Variants in ZNF517 observed in about 807,000 individuals in gnomAD.
The protein encoded by ZNF517 is zinc finger protein 517.
ZNF517 carries 12 observed loss-of-function variants against 12.1 expected under a neutral mutation model. The ratio of observed to expected loss-of-function variants is 0.99; its 90% CI spans 0.63 to 1.61. The LOEUF is 1.61. Ranked by LOEUF, ZNF517 falls within the 40% of genes most tolerant of loss-of-function variation. The pLI, the probability that ZNF517 is intolerant of heterozygous loss-of-function variation, is 0.00. For synonymous variants in ZNF517, 388 were observed against 310.2 expected (o/e 1.25, Z -2.63); for missense variants, 781 against 693.2 (o/e 1.13, Z -1.42).
chr8:144,800,251 A>C (rs1396172226), intron 1 of ZNF517, among the ~76,000 whole-genome samples: 2 of 152,040 alleles, frequency 1.3e-5, no homozygotes, highest in Non-Finnish European at 2.9e-5. Context: ...CAACAGCTTG[A>C]TCTGTTGTCA....
At position 144,807,780 on chromosome 8, in the gene ZNF517, C is replaced by T. The variant is rs766555187; in HGVS notation, c.864C>T (p.Pro288=). 5.6e-6 allele frequency: 9 copies of T among 1,612,194 alleles called. No homozygotes were observed. The highest frequency in any genetic ancestry group is 3.3e-5 in the South Asian group (3 of 91,058). ...AGAAGTTCCACACCGGGGAGAAGCCCTTCGCGTGCACAGAGTGCGGCAAGG... is the reference window on the plus strand; with the variant it reads ...AGAAGTTCCACACCGGGGAGAAGCCTTTCGCGTGCACAGAGTGCGGCAAGG... ...QHQKFHTGEK[P]FACTECGKAF... is the part of the protein sequence containing the mutation. Residue 288 remains proline, a synonymous_variant, in exon 5 of 5, where the codon CCC becomes CCT. Coordinates refer to ENST00000359971, the MANE Select transcript of ZNF517 (RefSeq NM_213605.3).
chr8:144,802,254 G>T (rs891595448), intron 1 of ZNF517, among the ~76,000 whole-genome samples: 2 of 152,170 alleles, frequency 1.3e-5, no homozygotes, highest in Non-Finnish European at 2.9e-5. Context: ...GCCCAGGCCG[G>T]AGTGCAATGG....
chr8:144,805,030 A>G (rs1461951174), intron 4 of ZNF517, among the ~76,000 whole-genome samples: 1 of 152,228 alleles, frequency 6.6e-6, no homozygotes, highest in African/African-American at 2.4e-5. Context: ...GCCTTCCACA[A>G]GAGGTGGTGG....
chr8:144,801,780 C>G (rs1241401694), intron 1 of ZNF517, among the ~76,000 whole-genome samples: 3 of 152,148 alleles, frequency 2.0e-5, no homozygotes, highest in Non-Finnish European at 4.4e-5. Context: ...ACCTGTAATC[C>G]CAGCACTTTG....
rs1563809757 is a variant in ZNF517 at position 144,807,376 on chromosome 8, CG to C, written c.463del (p.Glu155SerfsTer71). On this transcript the variant is annotated frameshift_variant, in exon 5 of 5. Transcript: ENST00000359971. LOFTEE classifies it low-confidence loss of function (END_TRUNC). Reference sequence around the variant, plus strand: ...AGATAAACCCACCCACCCCCGGGCTCGGGAGCACAGCGCCTCCCCAAGGGTT... The same window carrying C: ...AGATAAACCCACCCACCCCCGGGCTCGGAGCACAGCGCCTCCCCAAGGGTT... ...GSDKPTHPRA[R>X]EHSASPRVLQ... 7 of 1,556,438 alleles carry C rather than the reference CG, an allele frequency of 4.5e-6. No individual in the cohort carries two copies. The highest frequency in any genetic ancestry group is 1.4e-5 in the African/African-American group (1 of 73,178).
intron 4 of ZNF517, among the ~76,000 whole-genome samples, chr8:144,805,773 G>A (rs899229564): frequency 1.3e-5 from 2 of 148,410 alleles, no homozygotes; most frequent in African/African-American, 2.5e-5. Context: ...CCACCACCAC[G>A]CCCAGCCAAT....
chr8:144,810,970 G>C (rs949931485), downstream of ZNF517: 1 of 151,724 alleles, frequency 6.6e-6, no homozygotes, highest in African/African-American at 2.4e-5. Context: ...CAGGTTGAGT[G>C]GGCAGGTACC....
intron 1 of ZNF517, among the ~76,000 whole-genome samples, chr8:144,801,991 C>G (rs1826986447): frequency 6.6e-6 from 1 of 152,122 alleles, no homozygotes; most frequent in Non-Finnish European, 1.5e-5. Flanking sequence ...TGAGATCACA[C>G]CACTGCGCTC....
chr8:144,808,481 C>A lies in ZNF517; in HGVS notation c.*86C>A. ...GCGCAGAAATTCAGAACCCCCTGTC[C>A]TGAAGGTGAAGCAAAGTCTAAAGAA... On this transcript the variant is annotated 3_prime_UTR_variant, in exon 5 of 5. Coordinates refer to ENST00000359971, the MANE Select transcript of ZNF517 (RefSeq NM_213605.3). The A allele has an allele frequency of 7.2e-7, 1 of 1,392,208 alleles. No homozygotes were observed. The highest frequency in any genetic ancestry group is 9.3e-7 in the Non-Finnish European group (1 of 1,073,678). The allele number at this position is 1,392,208 out of a possible 1,614,324, so 86.2% of individuals were successfully genotyped here. A position where few individuals can be genotyped will look rare whatever the true frequency, so the allele number is the denominator to read the frequency against.
At position 144,803,643 on chromosome 8, in the gene ZNF517, G is replaced by A; in HGVS notation, c.36G>A (p.Glu12=). The part of the protein sequence containing the change: ...AMALPMPGPQ[E]AVVFEDVAVY... The stretch of plus-strand genomic sequence containing the variant: ...GATAGCAGAGTATGTGGTTGCAGGA[G>A]GCGGTTGTGTTCGAGGATGTGGCTG... The change falls in exon 3 of 5, where the codon GAG becomes GAA. Residue 12 remains glutamate, a splice_region_variant and synonymous_variant. Transcript: ENST00000359971. 2 of 1,614,118 alleles carry A rather than the reference G, an allele frequency of 1.2e-6. No homozygotes were observed. The highest frequency in any genetic ancestry group is 8.5e-7 in the Non-Finnish European group (1 of 1,179,976).
chr8:144,803,809 CTG>C (rs1244748794), intron 3 of ZNF517, 42 bp downstream of exon 3: 1 of 1,597,160 alleles, frequency 6.3e-7, no homozygotes, highest in Non-Finnish European at 8.5e-7. Context: ...GGAGGTGCGT[CTG>C]TGTTAGCTTC....
chr8:144,806,908 G>A (rs1234263475), intron 4 of ZNF517, among the ~76,000 whole-genome samples: 1 of 150,398 alleles, frequency 6.6e-6, no homozygotes, highest in Non-Finnish European at 1.5e-5. Flanking sequence ...GAATCATGTT[G>A]TACACCAAAA....
At chr8:144,802,707 G>A (rs1376542488) in intron 1 of ZNF517, 163 bp from the exon 2 acceptor site, 3 of 958,168 alleles carry the variant, frequency 3.1e-6, no homozygotes, top group Non-Finnish European at 3.7e-6. Flanking sequence ...TGTTCCCATG[G>A]AGAAGCTTGG....
chr8:144,807,493 C>G lies in ZNF517; in HGVS notation c.577C>G (p.Leu193Val). Residue 193 changes from leucine to valine, a missense_variant, in exon 5 of 5, where the codon CTC becomes GTC. Leu to Val is a conservative substitution (Grantham distance 32). Coordinates refer to ENST00000359971, the MANE Select transcript of ZNF517 (RefSeq NM_213605.3). ...GGCGTTCAGATACAACTCGCTGCTTCTCAGGCACCAGATCATCCACACCGG... is the reference window on the plus strand; with the variant it reads ...GGCGTTCAGATACAACTCGCTGCTTGTCAGGCACCAGATCATCCACACCGG... ...GKAFRYNSLL[L>V]RHQIIHTGAK... 6.3e-7 allele frequency: 1 copy of G among 1,587,530 alleles called. No individual in the cohort carries two copies. Among genetic ancestry groups the G allele is most frequent in the South Asian group, 1.1e-5 (1 of 87,846 alleles).
At chr8:144,805,810 C>T (rs539042874) in intron 4 of ZNF517, among the ~76,000 whole-genome samples, 117 of 149,994 alleles carry the variant, frequency 7.8e-4, no homozygotes, top group Non-Finnish European at 1.4e-3. Flanking sequence ...TTAATAGAGA[C>T]GAGGTTTCAC....
In ZNF517 at chr8:144,807,843, C is replaced by A; in HGVS notation, c.927C>A (p.Arg309=). The part of the protein sequence containing the change: ...CRRFTLNEHG[R]IHSGERPYRC... ...GGTTCACCCTCAACGAGCACGGCCG[C>A]ATCCACAGCGGGGAGCGGCCCTACC... is the stretch of plus-strand genomic sequence containing the variant. The change falls in exon 5 of 5, where the codon CGC becomes CGA. Residue 309 remains arginine (R), a synonymous_variant. Transcript: ENST00000359971. The A allele has an allele frequency of 6.3e-7, 1 of 1,599,168 alleles. No homozygotes were observed.
At chr8:144,800,188 T>C (rs1176418920) in intron 1 of ZNF517, among the ~76,000 whole-genome samples, 1 of 152,066 alleles carries the variant, frequency 6.6e-6, no homozygotes, top group Non-Finnish European at 1.5e-5. Context: ...CATTTCTTGG[T>C]GGTCCTTCAT....
intron 4 of ZNF517, 140 bp downstream of exon 4, chr8:144,804,378 G>A (rs773883859): frequency 6.5e-6 from 4 of 611,964 alleles, no homozygotes; most frequent in Non-Finnish European, 1.1e-5. Context: ...CCTACTAACT[G>A]CCTTGCTTGT....
chr8:144,802,934 T>A lies in ZNF517; in HGVS notation c.20T>A (p.Met7Lys). ...CCTGGAATGGCGATGGCACTCCCGA[T>A]GCCTGGACCTCAGGTGAGCACCCCC... MAMALP[M>K]PGPQEAVVFE... Residue 7 changes from methionine (M) to lysine (K), a missense_variant, in exon 2 of 5, where the codon ATG (methionine) becomes AAG (lysine). Met to Lys is a moderately conservative substitution (Grantham distance 95). Coordinates refer to ENST00000359971, the MANE Select transcript of ZNF517 (RefSeq NM_213605.3). The A allele has an allele frequency of 6.2e-7, 1 of 1,613,958 alleles. No homozygotes were observed. The highest frequency in any genetic ancestry group is 8.5e-7 in the Non-Finnish European group (1 of 1,179,908).
Sources: gnomAD v4.1 joint callset for allele counts (sites outside exome capture counted in the v4.1 genomes callset) on GRCh38, gnomAD v4.1.1 for gene constraint, MANE v1.5 for transcripts, NCBI Gene and HGNC (gene_info 2026-07-23, HGNC 2026-07-21) for gene names.